Variants in SLC26A5 observed in about 807,000 individuals in gnomAD.
SLC26A5 encodes prestin.
Under a neutral mutation model 81.0 loss-of-function variants are expected in SLC26A5, and 51 were observed. The ratio of observed to expected loss-of-function variants is 0.63; its 90% CI spans 0.50 to 0.80. The LOEUF (loss-of-function observed/expected upper bound fraction) is 0.80. SLC26A5 is among the 30% of genes least tolerant of loss of function. SLC26A5 has a pLI of 0.00. For synonymous variants in SLC26A5, 325 were observed against 332.8 expected, an observed-to-expected ratio of 0.98 and a Z score of 0.25; for missense variants, 771 against 905.8, an observed-to-expected ratio of 0.85 and a Z score of 1.91.
chr7:103,359,296 C>T (rs1199772778), intron 19 of SLC26A5, among the ~76,000 whole-genome samples: 1 of 151,650 alleles, frequency 6.6e-6, no homozygotes, highest in Non-Finnish European at 1.5e-5. Context: ...CCGTGCCCAG[C>T]CAGCTTATGA....
intron 9 of SLC26A5, among the ~76,000 whole-genome samples, chr7:103,397,540 CAAAAAAAAAAAAAA>C (rs746669151): frequency 5.0e-5 from 2 of 39,884 alleles, no homozygotes; most frequent in African/African-American, 1.1e-4. Context: ...GACTCCATCT[CAAAAAAAAAAAAAA>C]AAAAAAAAAA....
At chr7:103,425,442 G>A (rs901935943) in intron 2 of SLC26A5, among the ~76,000 whole-genome samples, 1 of 152,154 alleles carries the variant, frequency 6.6e-6, no homozygotes, top group African/African-American at 2.4e-5. Flanking sequence ...AGCAGTTCAA[G>A]TTGAGAAGCA....
downstream of SLC26A5, among the ~76,000 whole-genome samples, chr7:103,372,686 A>T (rs1171733993): frequency 5.9e-5 from 9 of 152,174 alleles, no homozygotes; most frequent in Non-Finnish European, 1.3e-4. Context: ...GATTTAAGTT[A>T]TATGTGGGGG....
At chr7:103,395,114 C>T (rs190681826) in intron 9 of SLC26A5, among the ~76,000 whole-genome samples, 2 of 152,266 alleles carry the variant, frequency 1.3e-5, no homozygotes, top group African/African-American at 4.8e-5. Context: ...AAGAACCACC[C>T]AACTGAGCCT....
chr7:103,427,476 C>CA (rs1825783923), intron 2 of SLC26A5, among the ~76,000 whole-genome samples: 1 of 152,022 alleles, frequency 6.6e-6, no homozygotes, highest in Non-Finnish European at 1.5e-5. Context: ...GAGGCTTATC[C>CA]AAAAATATTT....
chr7:103,398,022 GAC>G lies in SLC26A5; in HGVS notation c.889-10_889-9del, dbSNP rs1460603201. 1 of 1,611,348 alleles carries G rather than the reference GAC, an allele frequency of 6.2e-7. No homozygotes were observed. The highest frequency in any genetic ancestry group is 2.2e-5 in the East Asian group (1 of 44,824). ...GCCAGTTCCCATTACGACCTAAAAA[GAC>G]ACAAATCCAAATGCACCTTTAGAGA... On this transcript the variant is annotated splice_polypyrimidine_tract_variant and intron_variant, in intron 8 of 19. Coordinates refer to ENST00000306312, the MANE Select transcript of SLC26A5 (RefSeq NM_198999.3).
chr7:103,411,583 G>A lies in SLC26A5; in HGVS notation c.407C>T (p.Pro136Leu), dbSNP rs1158782217. ...LGTSRHISIG[P>L]FAVISLMIGG... ...AATCATCAGGCTAATAACAGCAAAA[G>A]GACCTGAAATAATGAAGCATGAAGA... is the stretch of plus-strand genomic sequence containing the variant. Residue 136 changes from proline (P) to leucine (L), a missense_variant, in exon 6 of 20, where the codon CCT becomes CTT. By Grantham distance (98) the Pro-to-Leu change is moderately conservative. Coordinates refer to ENST00000306312, the MANE Select transcript of SLC26A5 (RefSeq NM_198999.3). 6.2e-7 allele frequency: 1 copy of A among 1,614,096 alleles called. No homozygotes were observed. Among genetic ancestry groups the A allele is most frequent in the South Asian group, 1.1e-5 (1 of 91,078 alleles).
intron 19 of SLC26A5, among the ~76,000 whole-genome samples, chr7:103,375,159 G>GTT (rs1419174844): frequency 2.0e-5 from 3 of 148,266 alleles, no homozygotes; most frequent in Non-Finnish European, 3.0e-5. Context: ...ATAGATTAAT[G>GTT]TTATATATAT....
At chr7:103,439,769 A>G (rs1826737162) in intron 2 of SLC26A5, among the ~76,000 whole-genome samples, 1 of 152,180 alleles carries the variant, frequency 6.6e-6, no homozygotes, top group Non-Finnish European at 1.5e-5. Flanking sequence ...CCTGGCCTCA[A>G]GCGATCTGCC....
At chr7:103,426,269 T>G (rs1409338232) in intron 2 of SLC26A5, among the ~76,000 whole-genome samples, 2 of 152,160 alleles carry the variant, frequency 1.3e-5, no homozygotes, top group Non-Finnish European at 2.9e-5. Context: ...ATTGTGGGTT[T>G]CAATTAGGAG....
chr7:103,444,547 C>T (rs1827132193), intron 1 of SLC26A5, among the ~76,000 whole-genome samples: 1 of 152,216 alleles, frequency 6.6e-6, no homozygotes, highest in South Asian at 2.1e-4. Flanking sequence ...CTCAGTCTTC[C>T]ATTCTTCTGT....
At chr7:103,424,292 C>G (rs1420252957) in intron 2 of SLC26A5, among the ~76,000 whole-genome samples, 3 of 152,126 alleles carry the variant, frequency 2.0e-5, no homozygotes, top group Non-Finnish European at 4.4e-5. Context: ...ATGCATGTTA[C>G]TTGGTATACG....
In SLC26A5 at chr7:103,433,796, G is replaced by A. The variant is rs558109324; in HGVS notation, c.-54+9287C>T. 1.1e-4 allele frequency among the ~76,000 whole-genome samples: 17 copies of A among 148,550 alleles called. 1 individual carries two copies. In the East Asian group the frequency reaches 2.6e-3, roughly 22 times the overall value. On this transcript the variant is annotated intron_variant, in intron 2 of 19. Transcript: ENST00000306312. ...GGGCTCACTGCAAGCTCCATCTCCC[G>A]GGTTCATGCCATTCTCCTGCCTCAG... is the stretch of plus-strand genomic sequence containing the variant.
At chr7:103,399,606 T>C (rs1823415956) in intron 8 of SLC26A5, among the ~76,000 whole-genome samples, 1 of 152,188 alleles carries the variant, frequency 6.6e-6, no homozygotes, top group South Asian at 2.1e-4. Context: ...CTTTAAGTTC[T>C]GGGATACATG....
At chr7:103,356,832 A>G (rs934627368) in intron 19 of SLC26A5, among the ~76,000 whole-genome samples, 1 of 152,188 alleles carries the variant, frequency 6.6e-6, no homozygotes, top group African/African-American at 2.4e-5. Context: ...TTGCTTAGAA[A>G]AACCTAGCCC....
intron 4 of SLC26A5, among the ~76,000 whole-genome samples, chr7:103,419,378 C>G (rs1321811577): frequency 6.6e-6 from 1 of 152,166 alleles, no homozygotes; most frequent in African/African-American, 2.4e-5. Context: ...CCCCTGCTCC[C>G]TCACACTGCT....
chr7:103,425,482 A>C (rs1441239960), intron 2 of SLC26A5, among the ~76,000 whole-genome samples: 3 of 152,246 alleles, frequency 2.0e-5, no homozygotes, highest in Non-Finnish European at 2.9e-5. Flanking sequence ...AGAGAGAAAT[A>C]CATATGAAAA....
At chr7:103,440,526 A>G (rs1370614544) in intron 2 of SLC26A5, among the ~76,000 whole-genome samples, 1 of 152,238 alleles carries the variant, frequency 6.6e-6, no homozygotes, top group Non-Finnish European at 1.5e-5. Context: ...TGACAAATCT[A>G]TCTTTTCCTG....
Position 103,407,703 on chromosome 7 carries a change from CAATGAATTTGTCAAATTTGACA to C in SLC26A5, c.888+126_888+147del. 4 of 842,778 alleles carry C rather than the reference CAATGAATTTGTCAAATTTGACA, an allele frequency of 4.7e-6. No homozygotes were observed. The South Asian group carries it at 6.9e-5, about 15-fold the overall frequency. The allele number at this position is 842,778 out of a possible 1,614,324, so 52.2% of individuals were successfully genotyped here. A position where few individuals can be genotyped will look rare whatever the true frequency, so the allele number is the denominator to read the frequency against. ...AGGCTTTTTCTTTTTACTTTCTTGT[CAATGAATTTGTCAAATTTGACA>C]AATTGTAACCTTCTTTTGGCAGAAT... On this transcript the variant is annotated intron_variant, in intron 8 of 19. Coordinates refer to ENST00000306312, the MANE Select transcript of SLC26A5 (RefSeq NM_198999.3).
Sources: gnomAD v4.1 joint callset for allele counts (sites outside exome capture counted in the v4.1 genomes callset) on GRCh38, gnomAD v4.1.1 for gene constraint, MANE v1.5 for transcripts, NCBI Gene and HGNC (gene_info 2026-07-23, HGNC 2026-07-21) for gene names.